The following FAM234A variants were observed in gnomAD, a reference collection of about 807,000 sequenced individuals.
FAM234A encodes the protein family with sequence similarity 234 member A.
FAM234A carries 42 observed loss-of-function variants against 49.1 expected under a neutral mutation model. The observed-to-expected ratio is 0.86, with a 90% CI of 0.67 to 1.11. FAM234A has a LOEUF of 1.11. Among genes scored for constraint, FAM234A ranks in the 50% least tolerant of loss-of-function variants. The pLI is 0.00. For synonymous variants in FAM234A, 369 were observed against 316.2 expected, an observed-to-expected ratio of 1.17 and a Z score of -1.77; for missense variants, 815 against 745.2, an observed-to-expected ratio of 1.09 and a Z score of -1.09.
chr16:245,608 A>G (rs868367937), intron 1 of FAM234A, among the ~76,000 whole-genome samples: 25 of 152,140 alleles, frequency 1.6e-4, no homozygotes, highest in African/African-American at 4.3e-4. Context: ...CCACGTTGGA[A>G]GAATTGTCTT....
At chr16:268,710 C>T (rs1362660297), downstream of FAM234A, 11 of 1,495,538 alleles carry the variant, frequency 7.4e-6, no homozygotes, top group East Asian at 2.5e-5. Context: ...GAGGAATAGG[C>T]GCAGCTCCGG....
rs547071484 is a variant in FAM234A at position 261,636 on chromosome 16, C to T, written c.708+122C>T. 1.5e-5 allele frequency: 18 copies of T among 1,202,186 alleles called. 1 individual carries two copies. In the Admixed American group the frequency reaches 2.8e-4, roughly 19 times the overall value. 74.5% of individuals were successfully genotyped at this position (1,202,186 alleles called of 1,614,324 possible). On this transcript the variant is annotated intron_variant, in intron 6 of 12. Transcript: ENST00000399932. The stretch of plus-strand genomic sequence containing the variant: ...CGGGTCTGACCACTTGCCGGGGACT[C>T]GCCCAGAGCCCCACGTTCCCAACTC...
chr16:263,969 C>G, intron 10 of FAM234A, 47 bp from the exon 11 acceptor site: 3 of 1,582,908 alleles, frequency 1.9e-6, no homozygotes, highest in Non-Finnish European at 2.6e-6. Context: ...TCGAGCTTTT[C>G]CCGGTAGCCC....
At chr16:244,453 T>A (rs960772696) in intron 1 of FAM234A, among the ~76,000 whole-genome samples, 1 of 152,152 alleles carries the variant, frequency 6.6e-6, no homozygotes, top group African/African-American at 2.4e-5. Flanking sequence ...ACAAAATAGC[T>A]TCATATTAAG....
intron 1 of FAM234A, among the ~76,000 whole-genome samples, chr16:241,528 G>A (rs543211578): frequency 6.6e-6 from 1 of 151,814 alleles, no homozygotes; most frequent in Non-Finnish European, 1.5e-5. Flanking sequence ...ATTCAAGGCT[G>A]CAGTGAGCCA....
intron 2 of FAM234A, among the ~76,000 whole-genome samples, chr16:251,686 T>G (rs1225572722): frequency 1.4e-5 from 2 of 138,972 alleles, no homozygotes; most frequent in Admixed American, 7.0e-5. Flanking sequence ...CAGGTTTTTT[T>G]TTTTTTTTTT....
At chr16:236,905 A>AAAAAAAAATAAATAAAAAAT (rs371059749) in intron 1 of FAM234A, among the ~76,000 whole-genome samples, 14 of 53,554 alleles carry the variant, frequency 2.6e-4, no homozygotes, top group Admixed American at 5.9e-4. Flanking sequence ...ACTGTCTCAA[A>AAAAAAAAATAAATAAAAAAT]AAAATAAAAT....
intron 1 of FAM234A, among the ~76,000 whole-genome samples, chr16:239,833 A>C (rs976039105): frequency 6.6e-6 from 1 of 152,148 alleles, no homozygotes; most frequent in Admixed American, 6.6e-5. Context: ...CTGCAAAGGA[A>C]AGGAACTTGT....
intron 1 of FAM234A, among the ~76,000 whole-genome samples, chr16:242,981 C>CTTT (rs202179166): frequency 1.2e-3 from 169 of 139,386 alleles, no homozygotes; most frequent in African/African-American, 4.2e-3. Flanking sequence ...TGAGCCCTCA[C>CTTT]TTTTTTTTTT....
downstream of FAM234A, chr16:269,149 C>A (rs2051799320): frequency 3.2e-6 from 3 of 937,070 alleles, no homozygotes; most frequent in East Asian, 5.2e-5. Flanking sequence ...CCCCTGGGCA[C>A]AAGGGGACAC....
downstream of FAM234A, chr16:269,466 C>A (rs776155848): frequency 1.2e-6 from 2 of 1,606,436 alleles, no homozygotes; most frequent in Non-Finnish European, 1.7e-6. Flanking sequence ...AGCCCCCAGG[C>A]CACAGCCGCC....
At chr16:238,724 C>A (rs2050495018) in intron 1 of FAM234A, among the ~76,000 whole-genome samples, 1 of 142,494 alleles carries the variant, frequency 7.0e-6, no homozygotes, top group South Asian at 2.2e-4. Context: ...AGAGATCGTG[C>A]CACTGCACTC....
intron 1 of FAM234A, chr16:240,193 G>A (rs550297106): frequency 7.9e-5 from 12 of 152,228 alleles, no homozygotes; most frequent in African/African-American, 2.9e-4. Context: ...GCTGGATTTG[G>A]GGACAAGCAT....
Position 259,901 on chromosome 16 carries a change from A to T in FAM234A, c.386-68A>T. On this transcript the variant is annotated intron_variant, in intron 4 of 12. Transcript: ENST00000399932. ...GAGGAAAACAGACCTGGAACAGCAC[A>T]TGCTGGGGCTGGCCGGCCTGCCTGC... The T allele has an allele frequency of 8.4e-6, 12 of 1,423,586 alleles. No homozygotes were observed. The South Asian group carries it at 1.5e-4, about 17-fold the overall frequency. 88.2% of individuals were successfully genotyped at this position (1,423,586 alleles called of 1,614,324 possible).
In FAM234A at chr16:265,255, CAG is replaced by C; in HGVS notation, c.*234_*235del. ...CCAGCATCCTCCCTGAGTCCCCACA[CAG>C]GGCCTCACTCTGCACCCCACCAGGG... is the stretch of plus-strand genomic sequence containing the variant. On this transcript the variant is annotated 3_prime_UTR_variant, in exon 13 of 13. Coordinates refer to ENST00000399932, the MANE Select transcript of FAM234A (RefSeq NM_032039.4). The C allele has an allele frequency of 7.4e-7, 1 of 1,360,354 alleles. No homozygotes were observed. Among genetic ancestry groups the C allele is most frequent in the Non-Finnish European group, 9.5e-7 (1 of 1,057,984 alleles). 84.3% of individuals were successfully genotyped at this position (1,360,354 alleles called of 1,614,324 possible).
At position 254,498 on chromosome 16, in the gene FAM234A, T is replaced by A; in HGVS notation, c.85T>A (p.Ser29Thr). Residue 29 changes from serine (S) to threonine (T), a missense_variant, in exon 3 of 13, where the codon TCA (serine) becomes ACA (threonine). Coordinates refer to ENST00000399932, the MANE Select transcript of FAM234A (RefSeq NM_032039.4). ...ATCGCAGGAAAATCTGGGAAATCCA[T>A]CAAAAAATGAGGATAACGTGAAAAG... is the stretch of plus-strand genomic sequence containing the variant. ...RKSQENLGNP[S>T]KNEDNVKSAP... The A allele has an allele frequency of 6.2e-7, 1 of 1,614,190 alleles. No individual in the cohort carries two copies. The highest frequency in any genetic ancestry group is 8.5e-7 in the Non-Finnish European group (1 of 1,180,026).
In FAM234A at chr16:246,772, T is replaced by G. The variant is rs571450035; in HGVS notation, c.-139-2777T>G. On this transcript the variant is annotated intron_variant, in intron 1 of 12. Coordinates refer to ENST00000399932, the MANE Select transcript of FAM234A (RefSeq NM_032039.4). ...TGGTGTTTTGTTTTGTTTTGTTTTG[T>G]TTTTGTTTTTTTCTTTTTTTGAGAT... Among the ~76,000 whole-genome samples the G allele has an allele frequency of 1.2e-4, 17 of 147,778 alleles. 2 individuals carry two copies. The East Asian group carries it at 3.4e-3, about 30-fold the overall frequency.
In FAM234A at chr16:263,266, G is replaced by A; in HGVS notation, c.976G>A (p.Gly326Arg). 6.2e-7 allele frequency: 1 copy of A among 1,612,564 alleles called. No homozygotes were observed. The highest frequency in any genetic ancestry group is 8.5e-7 in the Non-Finnish European group (1 of 1,179,964). Residue 326 changes from glycine to arginine, a missense_variant, in exon 9 of 13, where the codon GGA becomes AGA. By Grantham distance (125) the Gly-to-Arg change is moderately radical. Coordinates refer to ENST00000399932, the MANE Select transcript of FAM234A (RefSeq NM_032039.4). ...TTRRMLSHSSGAVRYLMHVPG... is the reference protein window; with the variant it reads ...TTRRMLSHSSRAVRYLMHVPG... ...TTCTCCCACTCTCCTGTCTAGCTCTGGAGCAGTGCGCTACCTGATGCATGT... is the reference window on the plus strand; with the variant it reads ...TTCTCCCACTCTCCTGTCTAGCTCTAGAGCAGTGCGCTACCTGATGCATGT...
intron 8 of FAM234A, 109 bp downstream of exon 8, chr16:262,662 C>T (rs1163927597): frequency 1.3e-5 from 15 of 1,169,304 alleles, no homozygotes; most frequent in African/African-American, 4.7e-5. Context: ...GCCCCACCGG[C>T]AGGGAGGTGC....
Sources: allele counts gnomAD v4.1 joint callset (sites outside exome capture counted in the v4.1 genomes callset), GRCh38; gene constraint gnomAD v4.1.1; transcripts MANE v1.5; gene names NCBI Gene and HGNC (gene_info 2026-07-23, HGNC 2026-07-21).